Variants in SLIT3 observed in about 807,000 individuals in gnomAD.
The protein encoded by SLIT3 is slit homolog 3 protein.
SLIT3 carries 68 observed loss-of-function variants against 184.0 expected under a neutral mutation model. That is an observed-to-expected ratio of 0.37 (90% CI 0.30 to 0.45). The LOEUF is 0.45. Ranked by LOEUF, SLIT3 falls within the 20% of genes least tolerant of loss-of-function variation. SLIT3 has a pLI of 1.00. For missense variants in SLIT3, 1,707 were observed against 2,026.0 expected (o/e 0.84, Z 3.02); for synonymous variants, 831 against 828.6 (o/e 1.00, Z -0.05).
intron 4 of SLIT3, among the ~76,000 whole-genome samples, chr5:169,179,610 G>C (rs1309002469): frequency 6.6e-6 from 1 of 150,756 alleles, no homozygotes; most frequent in Non-Finnish European, 1.5e-5. Context: ...GAGACCCACT[G>C]TTGGAGTATG....
At chr5:168,997,722 G>A (rs961200050) in intron 4 of SLIT3, among the ~76,000 whole-genome samples, 3 of 152,154 alleles carry the variant, frequency 2.0e-5, no homozygotes, top group Non-Finnish European at 4.4e-5. Flanking sequence ...GAGGGGTCCT[G>A]GAAGGGAAAC....
chr5:169,217,457 T>C (rs1388939842), intron 3 of SLIT3, among the ~76,000 whole-genome samples: 1 of 152,136 alleles, frequency 6.6e-6, no homozygotes, highest in Non-Finnish European at 1.5e-5. Flanking sequence ...CAGTGTTGGA[T>C]GACTGGGTTT....
chr5:169,225,600 A>G (rs1000292240), intron 3 of SLIT3, among the ~76,000 whole-genome samples: 30 of 152,352 alleles, frequency 2.0e-4, no homozygotes, highest in African/African-American at 7.0e-4. Context: ...AAGGCCCCAT[A>G]AGACTGTATG....
At chr5:169,070,804 A>C (rs1168669874) in intron 4 of SLIT3, among the ~76,000 whole-genome samples, 1 of 151,844 alleles carries the variant, frequency 6.6e-6, no homozygotes, top group African/African-American at 2.4e-5. Context: ...CCTCAAAAAA[A>C]AAAAAAAAAA....
chr5:169,060,279 C>T (rs1371418980), intron 4 of SLIT3, among the ~76,000 whole-genome samples: 3 of 152,138 alleles, frequency 2.0e-5, no homozygotes, highest in African/African-American at 7.2e-5. Context: ...GTAGTCCCAG[C>T]TACTTGGGAG....
At chr5:169,268,621 A>T (rs1766485206) in intron 1 of SLIT3, among the ~76,000 whole-genome samples, 1 of 152,182 alleles carries the variant, frequency 6.6e-6, no homozygotes. Context: ...GTTGAGGAAC[A>T]CTGGACAGCA....
intron 6 of SLIT3, among the ~76,000 whole-genome samples, chr5:168,829,468 C>A (rs1247549487): frequency 6.6e-5 from 10 of 152,256 alleles, no homozygotes; most frequent in Non-Finnish European, 8.8e-5. Flanking sequence ...GTGGGCTGGC[C>A]CACTCATGTC....
At chr5:169,094,933 T>C (rs1403364159) in intron 4 of SLIT3, among the ~76,000 whole-genome samples, 1 of 152,200 alleles carries the variant, frequency 6.6e-6, no homozygotes, top group Admixed American at 6.5e-5. Context: ...TGGCACTTCA[T>C]AGAGACAGCT....
chr5:169,168,762 T>C (rs1413852698), intron 4 of SLIT3, among the ~76,000 whole-genome samples: 2 of 152,198 alleles, frequency 1.3e-5, no homozygotes, highest in African/African-American at 4.8e-5. Flanking sequence ...CCTCAAACTG[T>C]CAGGGATGCT....
intron 3 of SLIT3, among the ~76,000 whole-genome samples, chr5:169,203,352 C>T (rs1763963500): frequency 1.2e-4 from 1 of 8,692 alleles, no homozygotes; most frequent in African/African-American, 6.0e-4. Flanking sequence ...TGTGAATGTG[C>T]ACACACACAC....
At chr5:168,903,076 G>T (rs1330943421) in intron 4 of SLIT3, among the ~76,000 whole-genome samples, 1 of 152,214 alleles carries the variant, frequency 6.6e-6, no homozygotes, top group Non-Finnish European at 1.5e-5. Flanking sequence ...TCAATCAGCA[G>T]ACCAACAGGC....
chr5:168,898,739 C>T (rs1760771714), intron 4 of SLIT3, among the ~76,000 whole-genome samples: 1 of 152,106 alleles, frequency 6.6e-6, no homozygotes, highest in African/African-American at 2.4e-5. Flanking sequence ...AATGGCTTGG[C>T]TTTGTAAGAG....
At chr5:168,973,833 C>T (rs910411437) in intron 4 of SLIT3, among the ~76,000 whole-genome samples, 12 of 152,262 alleles carry the variant, frequency 7.9e-5, no homozygotes, top group Admixed American at 4.6e-4. Flanking sequence ...ACAAGGAAGA[C>T]GTCTTAAATA....
intron 12 of SLIT3, among the ~76,000 whole-genome samples, chr5:168,782,662 C>T (rs974877850): frequency 6.6e-6 from 1 of 152,130 alleles, no homozygotes; most frequent in African/African-American, 2.4e-5. Flanking sequence ...GGATCATGTG[C>T]CCAGTGATAT....
chr5:168,895,958 G>T (rs1339433470), intron 4 of SLIT3, among the ~76,000 whole-genome samples: 1 of 152,198 alleles, frequency 6.6e-6, no homozygotes, highest in African/African-American at 2.4e-5. Context: ...ACAAATGTGA[G>T]ACTGCTGCCA....
chr5:168,907,971 T>TAGAGAGAGAGAGAGAG (rs1258570486), intron 4 of SLIT3, among the ~76,000 whole-genome samples: 1 of 71,120 alleles, frequency 1.4e-5, no homozygotes. Flanking sequence ...TATATATATA[T>TAGAGAGAGAGAGAGAG]ATATATATAG....
At chr5:168,910,731 G>T (rs566948129) in intron 4 of SLIT3, among the ~76,000 whole-genome samples, 1 of 145,328 alleles carries the variant, frequency 6.9e-6, no homozygotes, top group Admixed American at 7.0e-5. Context: ...GGGCGACAGA[G>T]TGAGACTCTG....
chr5:169,279,662 A>T (rs1413062813), intron 1 of SLIT3, among the ~76,000 whole-genome samples: 1 of 152,228 alleles, frequency 6.6e-6, no homozygotes, highest in Non-Finnish European at 1.5e-5. Flanking sequence ...TTCATATTTT[A>T]TTCATTTTAT....
intron 4 of SLIT3, among the ~76,000 whole-genome samples, chr5:168,885,124 C>T (rs1469782050): frequency 1.3e-5 from 2 of 152,184 alleles, no homozygotes; most frequent in Admixed American, 1.3e-4. Flanking sequence ...GCTGCTGGGA[C>T]AAGCCATGTG....
Sources: allele counts gnomAD v4.1 joint callset (sites outside exome capture counted in the v4.1 genomes callset), GRCh38; gene constraint gnomAD v4.1.1; transcripts MANE v1.5; gene names NCBI Gene and HGNC (gene_info 2026-07-23, HGNC 2026-07-21).